The following GALK2 variants were observed in gnomAD, a reference collection of about 807,000 sequenced individuals.
GALK2 encodes galactokinase 2.
Under a neutral mutation model 52.4 loss-of-function variants are expected in GALK2, and 36 were observed. That is an observed-to-expected ratio of 0.69 (90% CI 0.53 to 0.91). GALK2 has a LOEUF of 0.91. GALK2 is among the 40% of genes least tolerant of loss of function. GALK2 has a pLI of 0.00. For missense variants in GALK2, 579 were observed against 559.1 expected (o/e 1.04, Z -0.36); for synonymous variants, 176 against 199.1 (o/e 0.88, Z 0.98).
chr15:49,327,334 A>AC (rs2037679315), intron 9 of GALK2: 1 of 152,140 alleles, frequency 6.6e-6, no homozygotes, highest in African/African-American at 2.4e-5. Flanking sequence ...GGCTTGGTTA[A>AC]TTTTCCATTA....
At chr15:49,212,047 A>T (rs937967193) in intron 2 of GALK2, among the ~76,000 whole-genome samples, 1 of 152,092 alleles carries the variant, frequency 6.6e-6, no homozygotes, top group East Asian at 1.9e-4. Context: ...TAATATCTTT[A>T]AAAAAAATTA....
intron 5 of GALK2, among the ~76,000 whole-genome samples, chr15:49,241,147 G>A (rs1389878842): frequency 6.6e-6 from 1 of 152,130 alleles, no homozygotes. Flanking sequence ...AATGTTGAGT[G>A]TGAGGAATCT....
intron 3 of GALK2, among the ~76,000 whole-genome samples, chr15:49,340,155 ACTGGGGTATGAAAGAAAACTC>A (rs2040453205): frequency 6.6e-6 from 1 of 152,080 alleles, no homozygotes; most frequent in Non-Finnish European, 1.5e-5. Flanking sequence ...TCCAGGTGCC[ACTGGGGTATGAAAGAAAACTC>A]CTGTGGCTAG....
intron 7 of GALK2, among the ~76,000 whole-genome samples, chr15:49,286,824 T>A (rs2033417356): frequency 6.6e-6 from 1 of 152,164 alleles, no homozygotes; most frequent in South Asian, 2.1e-4. Context: ...TGACCTTTTA[T>A]CTTGAGGTTG....
At chr15:49,235,966 C>T (rs1383013739) in intron 4 of GALK2, 25 bp downstream of exon 4, 1 of 1,316,112 alleles carries the variant, frequency 7.6e-7, no homozygotes, top group Non-Finnish European at 1.1e-6. Flanking sequence ...AAGGCACTTA[C>T]TACCAGTTGA....
chr15:49,250,250 A>G (rs1490285945), intron 5 of GALK2, among the ~76,000 whole-genome samples: 1 of 152,182 alleles, frequency 6.6e-6, no homozygotes. Context: ...TATTGTGTGG[A>G]GAAGAAAGTG....
chr15:49,337,535 T>TA (rs2039961359), intron 3 of GALK2, among the ~76,000 whole-genome samples: 1 of 139,530 alleles, frequency 7.2e-6, no homozygotes, highest in Non-Finnish European at 1.5e-5. Flanking sequence ...TTTTTTTTTT[T>TA]AGTATTATAC....
chr15:49,196,278 C>T (rs1272696456), intron 1 of GALK2, among the ~76,000 whole-genome samples: 3 of 151,930 alleles, frequency 2.0e-5, no homozygotes, highest in Non-Finnish European at 4.4e-5. Context: ...ATGGAGTTTT[C>T]TGACTGCTTT....
chr15:49,187,574 G>A (rs2086448244), intron 1 of GALK2, among the ~76,000 whole-genome samples: 2 of 152,160 alleles, frequency 1.3e-5, no homozygotes, highest in Non-Finnish European at 2.9e-5. Context: ...AGGGCATAGA[G>A]TAAGGAACCT....
At chr15:49,202,118 C>A (rs2087833627) in intron 2 of GALK2, among the ~76,000 whole-genome samples, 3 of 152,222 alleles carry the variant, frequency 2.0e-5, no homozygotes, top group African/African-American at 7.2e-5. Flanking sequence ...ATTCTCCTGC[C>A]TCAGCCTCCC....
At chr15:49,224,187 T>G (rs1244877128) in intron 3 of GALK2, among the ~76,000 whole-genome samples, 3 of 133,648 alleles carry the variant, frequency 2.2e-5, no homozygotes, top group Non-Finnish European at 4.9e-5. Context: ...TTAAGTGGGA[T>G]TATTTGTTTT....
chr15:49,357,802 C>T (rs935413834), intron 3 of GALK2, among the ~76,000 whole-genome samples: 1 of 152,038 alleles, frequency 6.6e-6, no homozygotes, highest in African/African-American at 2.4e-5. Context: ...AATTTTAGAC[C>T]AATATCCTTG....
chr15:49,296,354 C>G (rs1011058405), intron 8 of GALK2, among the ~76,000 whole-genome samples: 1 of 152,190 alleles, frequency 6.6e-6, no homozygotes, highest in African/African-American at 2.4e-5. Context: ...TTACCTCCCA[C>G]TTACAATTGA....
chr15:49,324,018 G>T lies in GALK2; in HGVS notation c.1170-3934G>T, dbSNP rs2151094530. 2.0e-5 allele frequency among the ~76,000 whole-genome samples: 3 copies of T among 152,290 alleles called. No individual in the cohort carries two copies. In the South Asian group the frequency reaches 6.2e-4, roughly 32 times the overall value. On this transcript the variant is annotated intron_variant, in intron 9 of 9. Transcript: ENST00000560031. Reference sequence around the variant, plus strand: ...TAAATTTTAAGTAGAATTTACTGGAGAACACAAAACAATTTTGAAACCAAG... The same window carrying T: ...TAAATTTTAAGTAGAATTTACTGGATAACACAAAACAATTTTGAAACCAAG...
At position 49,330,793 on chromosome 15, in the gene GALK2, A is replaced by G. The variant is rs1429715785; in HGVS notation, c.*2634A>G. 6 of 151,610 alleles carry G rather than the reference A, an allele frequency of 4.0e-5. No homozygotes were observed. Among genetic ancestry groups the G allele is most frequent in the Admixed American group, 2.0e-4 (3 of 15,244 alleles). 9.4% of individuals were successfully genotyped at this position (151,610 alleles called of 1,614,324 possible). ...AATGAATATTTTTGTGTGTGGATGT[A>G]AAAAATAGTCCTTAGCTGGGAGTGG... On this transcript the variant is annotated 3_prime_UTR_variant, in exon 10 of 10. Transcript: ENST00000560031.
intron 2 of GALK2, among the ~76,000 whole-genome samples, chr15:49,213,819 A>G (rs2089142355): frequency 6.6e-6 from 1 of 151,978 alleles, no homozygotes; most frequent in Non-Finnish European, 1.5e-5. Context: ...TTAATTTATT[A>G]TTTAAAACTT....
At chr15:49,230,154 G>A (rs551469780) in intron 3 of GALK2, among the ~76,000 whole-genome samples, 9 of 152,238 alleles carry the variant, frequency 5.9e-5, no homozygotes, top group African/African-American at 1.4e-4. Context: ...GGCAGGATGC[G>A]GTCTAGTAGA....
At chr15:49,342,946 A>G (rs2040955548) in intron 3 of GALK2, among the ~76,000 whole-genome samples, 1 of 152,100 alleles carries the variant, frequency 6.6e-6, no homozygotes, top group African/African-American at 2.4e-5. Context: ...AGCTGCTTTT[A>G]AGATTTTTTC....
chr15:49,359,031 C>T (rs1432235039), intron 3 of GALK2, among the ~76,000 whole-genome samples: 2 of 151,938 alleles, frequency 1.3e-5, no homozygotes, highest in Non-Finnish European at 2.9e-5. Flanking sequence ...AACTGGCTAG[C>T]CATATGTATA....
Sources: gnomAD v4.1 joint callset for allele counts (sites outside exome capture counted in the v4.1 genomes callset) on GRCh38, gnomAD v4.1.1 for gene constraint, MANE v1.5 for transcripts, NCBI Gene and HGNC (gene_info 2026-07-23, HGNC 2026-07-21) for gene names.